The following PDE1A variants were observed in gnomAD, a reference collection of about 807,000 sequenced individuals.
PDE1A encodes dual specificity calcium/calmodulin-dependent 3',5'-cyclic nucleotide phosphodiesterase 1A.
Under a neutral mutation model 61.7 loss-of-function variants are expected in PDE1A, and 35 were observed. That is an observed-to-expected ratio of 0.57 (90% CI 0.43 to 0.75). The LOEUF is 0.75. PDE1A is among the 30% of genes least tolerant of loss of function. PDE1A has a pLI of 0.00. For synonymous variants in PDE1A, 232 were observed against 213.2 expected (o/e 1.09, Z -0.77); for missense variants, 597 against 630.6 (o/e 0.95, Z 0.57).
downstream of PDE1A, among the ~76,000 whole-genome samples, chr2:182,166,312 G>A (rs1381382828): frequency 6.6e-6 from 1 of 152,100 alleles, no homozygotes; most frequent in Non-Finnish European, 1.5e-5. Context: ...AATCAGCTGG[G>A]GGAGCAGCTG....
chr2:182,613,624 A>G, the PDE1A span, among the ~76,000 whole-genome samples: 1 of 152,150 alleles, frequency 6.6e-6, no homozygotes, highest in Non-Finnish European at 1.5e-5. Context: ...ACAGGGTTCC[A>G]TTGAATGGTA....
the PDE1A span, among the ~76,000 whole-genome samples, chr2:182,548,164 T>C: frequency 6.6e-6 from 1 of 152,186 alleles, no homozygotes; most frequent in South Asian, 2.1e-4. Flanking sequence ...AACATAATAT[T>C]TGCTCAGACA....
At chr2:182,612,379 T>A in the PDE1A span, among the ~76,000 whole-genome samples, 1 of 152,208 alleles carries the variant, frequency 6.6e-6, no homozygotes, top group Non-Finnish European at 1.5e-5. Context: ...CATTCTCTAA[T>A]ACCTAATTCT....
At chr2:182,344,836 C>T (rs16823102) in intron 1 of PDE1A, among the ~76,000 whole-genome samples, 3,955 of 152,088 alleles carry the variant, frequency 0.026, 184 homozygotes, top group African/African-American at 0.09. Flanking sequence ...TCATCCAGGC[C>T]TCAAGTTCAA....
chr2:182,347,592 GT>G (rs1044388165), intron 1 of PDE1A, among the ~76,000 whole-genome samples: 4 of 151,788 alleles, frequency 2.6e-5, no homozygotes, highest in African/African-American at 2.4e-5. Context: ...TTGGAACATT[GT>G]TTTTTTGTCC....
At chr2:182,416,363 G>C (rs1702918661) in intron 1 of PDE1A, among the ~76,000 whole-genome samples, 1 of 152,194 alleles carries the variant, frequency 6.6e-6, no homozygotes, top group Admixed American at 6.5e-5. Flanking sequence ...TGACACCTGG[G>C]TGTGATAATC....
chr2:182,503,076 C>CACAT (rs1432767679), intron 2 of PDE1A, among the ~76,000 whole-genome samples: 4 of 110,756 alleles, frequency 3.6e-5, no homozygotes, highest in African/African-American at 1.2e-4. Context: ...CACACACATA[C>CACAT]ACACACACAC....
intron 9 of PDE1A, 27 bp downstream of exon 9, chr2:182,201,661 A>AAAAAAAAC (rs780548266): frequency 9.0e-6 from 14 of 1,555,304 alleles, no homozygotes; most frequent in African/African-American, 1.4e-5. Context: ...AAAAAAAAAA[A>AAAAAAAAC]AACAACAAAA....
chr2:182,229,260 C>T (rs1246854360), intron 6 of PDE1A, among the ~76,000 whole-genome samples: 2 of 152,024 alleles, frequency 1.3e-5, no homozygotes, highest in Non-Finnish European at 2.9e-5. Flanking sequence ...GCTGAAATGG[C>T]ATTTTCTCAC....
the PDE1A span, among the ~76,000 whole-genome samples, chr2:182,622,756 A>C: frequency 6.6e-6 from 1 of 152,158 alleles, no homozygotes; most frequent in African/African-American, 2.4e-5. Flanking sequence ...CTGCCCCAGA[A>C]ATTAGGGACT....
At chr2:182,611,448 T>C in the PDE1A span, among the ~76,000 whole-genome samples, 4 of 152,240 alleles carry the variant, frequency 2.6e-5, no homozygotes, top group Admixed American at 2.0e-4. Context: ...ATTTCCTCTT[T>C]GCTACACTTT....
chr2:182,170,829 C>A (rs1238066354), intron 13 of PDE1A, among the ~76,000 whole-genome samples: 2 of 151,782 alleles, frequency 1.3e-5, no homozygotes, highest in East Asian at 1.9e-4. Flanking sequence ...AACATAATTA[C>A]AAAGATTATT....
At chr2:182,636,152 G>A in the PDE1A span, among the ~76,000 whole-genome samples, 1 of 151,708 alleles carries the variant, frequency 6.6e-6, no homozygotes, top group Middle Eastern at 3.4e-3. Flanking sequence ...TAGAGAAGGT[G>A]TTTCACCGTG....
chr2:182,561,466 G>A, the PDE1A span, among the ~76,000 whole-genome samples: 1 of 152,180 alleles, frequency 6.6e-6, no homozygotes, highest in Non-Finnish European at 1.5e-5. Flanking sequence ...TAGTCTGGTA[G>A]TATAGTTTGA....
chr2:182,274,712 T>G (rs1693279710), intron 1 of PDE1A, among the ~76,000 whole-genome samples: 1 of 152,124 alleles, frequency 6.6e-6, no homozygotes, highest in Non-Finnish European at 1.5e-5. Context: ...CTGCCTTCTT[T>G]CATGTATGTA....
At chr2:182,447,844 T>C (rs1007862960) in intron 2 of PDE1A, among the ~76,000 whole-genome samples, 1 of 152,128 alleles carries the variant, frequency 6.6e-6, no homozygotes. Flanking sequence ...ATGTCTCCCT[T>C]TGAACTGTGC....
chr2:182,330,309 A>T (rs1314397240), intron 1 of PDE1A, among the ~76,000 whole-genome samples: 1 of 149,724 alleles, frequency 6.7e-6, no homozygotes. Flanking sequence ...ATGCCATTTC[A>T]CTCCAGCCTG....
At chr2:182,231,973 C>T (rs1028988476) in intron 4 of PDE1A, among the ~76,000 whole-genome samples, 1 of 152,038 alleles carries the variant, frequency 6.6e-6, no homozygotes. Context: ...ATAGAGTATA[C>T]ACTATCTTTA....
chr2:182,583,873 T>C, the PDE1A span, among the ~76,000 whole-genome samples: 1 of 152,210 alleles, frequency 6.6e-6, no homozygotes, highest in Non-Finnish European at 1.5e-5. Context: ...TTGTGGTGAT[T>C]AAATTTTTGC....
Sources: allele counts gnomAD v4.1 joint callset (sites outside exome capture counted in the v4.1 genomes callset), GRCh38; gene constraint gnomAD v4.1.1; transcripts MANE v1.5; gene names NCBI Gene and HGNC (gene_info 2026-07-23, HGNC 2026-07-21).